GCN1: variants seen among roughly 807,000 people sequenced by gnomAD.
GCN1 encodes GCN1 activator of EIF2AK4.
A neutral mutation model predicts 288.4 loss-of-function variants in GCN1; 90 were observed. The observed-to-expected ratio is 0.31, with a 90% CI of 0.26 to 0.37. The LOEUF (loss-of-function observed/expected upper bound fraction) is 0.37, where lower values mean the gene tolerates loss of function less well. Ranked by LOEUF, GCN1 falls within the 10% of genes least tolerant of loss-of-function variation. The probability of loss-of-function intolerance (pLI) is 1.00; values close to 1 mark genes in which losing one functional copy is unlikely to be tolerated. For missense variants in GCN1, 2,586 were observed against 3,419.9 expected (o/e 0.76, Z 6.08); for synonymous variants, 1,386 against 1,420.2 (o/e 0.98, Z 0.54).
chr12:120,193,485 AG>A (rs754322884), intron 1 of GCN1, among the ~76,000 whole-genome samples: 122 of 152,228 alleles, frequency 8.0e-4, no homozygotes, highest in East Asian at 1.5e-3. Context: ...TTGCATTTTT[AG>A]TAGAGACGGG....
chr12:120,157,137 A>G (rs1003859594), intron 26 of GCN1, 145 bp from the exon 27 acceptor site: 2 of 608,248 alleles, frequency 3.3e-6, no homozygotes, highest in Non-Finnish European at 5.9e-6. Flanking sequence ...TTAAGTTTAC[A>G]ACTAGGTCCA....
At position 120,161,586 on chromosome 12, in the gene GCN1, G is replaced by C; in HGVS notation, c.2343-3C>G. ...TTTTTATGCTGTCCTGCTGGGCACT[G>C]AAACACCAGAGTGGGTCATCAGCCA... On this transcript the variant is annotated splice_polypyrimidine_tract_variant and splice_region_variant and intron_variant, in intron 21 of 57. Transcript: ENST00000300648. 6.2e-7 allele frequency: 1 copy of C among 1,607,370 alleles called. No homozygotes were observed. Among genetic ancestry groups the C allele is most frequent in the Non-Finnish European group, 8.5e-7 (1 of 1,173,972 alleles).
chr12:120,187,456 T>A (rs552006732), intron 2 of GCN1, among the ~76,000 whole-genome samples: 1 of 152,106 alleles, frequency 6.6e-6, no homozygotes, highest in Admixed American at 6.6e-5. Context: ...CCTCAGGTGA[T>A]CCATCCTCCT....
chr12:120,166,939 A>C (rs1268231651), intron 16 of GCN1, among the ~76,000 whole-genome samples: 2 of 151,464 alleles, frequency 1.3e-5, no homozygotes, highest in African/African-American at 4.9e-5. Flanking sequence ...ACCTGAGACC[A>C]GGGAGGTCGA....
intron 36 of GCN1, among the ~76,000 whole-genome samples, chr12:120,148,988 T>A (rs1053279058): frequency 6.6e-6 from 1 of 150,494 alleles, no homozygotes; most frequent in Admixed American, 6.6e-5. Flanking sequence ...CTTGGCCTAT[T>A]TTTTTTTTTT....
At chr12:120,141,089 C>G in intron 44 of GCN1, 66 bp from the exon 45 acceptor site, 2 of 1,394,862 alleles carry the variant, frequency 1.4e-6, no homozygotes, top group Admixed American at 2.0e-5. Context: ...GAGGAGGACT[C>G]CAGAATGAGG....
intron 13 of GCN1, 110 bp downstream of exon 13, chr12:120,173,961 T>C (rs745648396): frequency 1.2e-5 from 12 of 1,015,530 alleles, no homozygotes; most frequent in Non-Finnish European, 1.8e-5. Context: ...AGCCTTGCTC[T>C]GAGGGAGGTG....
chr12:120,129,287 C>G lies in GCN1; in HGVS notation c.7879G>C (p.Glu2627Gln), dbSNP rs1172395674. Reference protein sequence around the residue: ...VNLLKMRQGEEVFQSLSKILD... With the variant: ...VNLLKMRQGEQVFQSLSKILD... ...CCCCAGGCTCCCACCTGAAACACCT[C>G]TTCACCCTGCCGCATCTTGAGGAGG... Residue 2627 changes from glutamate (E) to glutamine (Q), a missense_variant, in exon 57 of 58, where the codon GAG becomes CAG. Physicochemically the swap from Glu to Gln is conservative, Grantham distance 29 (BLOSUM62 2). This residue lies in a region of GCN1 where 355 missense variants were observed against 431.1 expected (regional missense o/e 0.82). Transcript: ENST00000300648. 1 of 1,613,752 alleles carries G rather than the reference C, an allele frequency of 6.2e-7. No individual in the cohort carries two copies. The highest frequency in any genetic ancestry group is 1.1e-5 in the South Asian group (1 of 91,068).
intron 23 of GCN1, 27 bp downstream of exon 23, chr12:120,160,115 G>C (rs772781831): frequency 1.9e-6 from 3 of 1,594,740 alleles, no homozygotes; most frequent in African/African-American, 1.3e-5. Flanking sequence ...CTTCCGGCTT[G>C]AGCATGTGGC....
Position 120,186,993 on chromosome 12 carries a change from G to A in GCN1, c.122-2106C>T, listed in dbSNP as rs537376714. The stretch of plus-strand genomic sequence containing the variant: ...CTAACTAGAGGGCTCTGCTGGGAAA[G>A]TGACCAGAAAAACCGTCGAGGATGC... On this transcript the variant is annotated intron_variant, in intron 2 of 57. Transcript: ENST00000300648. Among the ~76,000 whole-genome samples, 8 of 152,292 alleles carry A rather than the reference G, an allele frequency of 5.3e-5. No individual in the cohort carries two copies. In the South Asian group the frequency reaches 1.7e-3, roughly 32 times the overall value.
At chr12:120,132,986 A>G (rs541147365) in intron 53 of GCN1, among the ~76,000 whole-genome samples, 1 of 152,330 alleles carries the variant, frequency 6.6e-6, no homozygotes, top group African/African-American at 2.4e-5. Flanking sequence ...TAAAATGCAA[A>G]TATGTTTCAA....
chr12:120,144,446 A>G lies in GCN1; in HGVS notation c.5355T>C (p.Ala1785=), dbSNP rs1168740583. The G allele has an allele frequency of 6.2e-7, 1 of 1,612,262 alleles. No homozygotes were observed. The highest frequency in any genetic ancestry group is 2.2e-5 in the East Asian group (1 of 44,846). Residue 1785 remains alanine, a splice_region_variant and synonymous_variant, in exon 42 of 58, where the codon GCT becomes GCC. Transcript: ENST00000300648. This position sits in a 1 kb window ranked among gnomAD's most constrained non-coding sequence, Gnocchi z 4.7. ...GCACAAACTCATTCTCATCAGCAAG[A>G]GCCTGGGCACACAGAGGGTGGGTCA... The part of the protein sequence containing the change: ...VGPIIPCILK[A]LADENEFVRD...
At chr12:120,177,922 A>G in intron 7 of GCN1, 170 bp from the exon 8 acceptor site, 1 of 622,590 alleles carries the variant, frequency 1.6e-6, no homozygotes, top group Non-Finnish European at 2.9e-6. Flanking sequence ...AAACCCTTCC[A>G]CAGCTTTCCA....
chr12:120,129,223 G>A, intron 57 of GCN1, 53 bp downstream of exon 57: 2 of 1,268,844 alleles, frequency 1.6e-6, no homozygotes, highest in Non-Finnish European at 2.3e-6. Flanking sequence ...CTGAAGAAGA[G>A]CTGAAAGACA....
chr12:120,164,984 T>C (rs1250938357), intron 16 of GCN1, among the ~76,000 whole-genome samples: 6 of 140,228 alleles, frequency 4.3e-5, no homozygotes, highest in African/African-American at 1.6e-4. Flanking sequence ...TATATACATA[T>C]ACATATATAC....
Position 120,178,735 on chromosome 12 carries a change from A to G in GCN1, c.550T>C (p.Leu184=). The change falls in exon 7 of 58, where the codon TTG becomes CTG. Residue 184 remains leucine (L), a synonymous_variant. Transcript: ENST00000300648. ...GGCTCTAGGCTGAGAATGGCTGACA[A>G]GTACTGTTCCACCAGCCCGGGGTTC... The part of the protein sequence containing the change: ...KENPGLVEQY[L]SAILSLEPNQ... 6.2e-7 allele frequency: 1 copy of G among 1,614,244 alleles called. No homozygotes were observed. Among genetic ancestry groups the G allele is most frequent in the Non-Finnish European group, 8.5e-7 (1 of 1,180,036 alleles).
intron 5 of GCN1, among the ~76,000 whole-genome samples, chr12:120,179,816 G>C (rs1317740645): frequency 1.3e-5 from 2 of 152,202 alleles, no homozygotes; most frequent in South Asian, 4.1e-4. Context: ...AAAGAATTAA[G>C]GGTCCTGTTT....
intron 15 of GCN1, 137 bp downstream of exon 15, chr12:120,170,031 TC>T (rs978045088): frequency 1.4e-6 from 1 of 728,918 alleles, no homozygotes; most frequent in Non-Finnish European, 2.4e-6. Context: ...ATGAGGTTCA[TC>T]CTGCAGATGA....
At position 120,153,073 on chromosome 12, in the gene GCN1, G is replaced by GAGA. The variant is rs1877619990; in HGVS notation, c.4062+137_4062+139dup. ...GACTATAAACCAGGCTCTCCCCTGC[G>GAGA]AGAGGGGGTGAATCCTTAACAAGAA... On this transcript the variant is annotated intron_variant, in intron 33 of 57. Transcript: ENST00000300648. The surrounding 1 kb of genome is among the most constrained non-coding windows in gnomAD (Gnocchi z 4.4). The GAGA allele has an allele frequency of 2.4e-5, 16 of 663,850 alleles. 1 individual carries two copies. In the South Asian group the frequency reaches 3.1e-4, roughly 13 times the overall value. The allele number at this position is 663,850 out of a possible 1,614,324, so 41.1% of individuals were successfully genotyped here.
Sources: gnomAD v4.1 joint callset for allele counts (sites outside exome capture counted in the v4.1 genomes callset) on GRCh38, gnomAD v4.1.1 for gene constraint, gnomAD v4.1.1 regional missense constraint, Gnocchi (gnomAD v3.1) non-coding constraint, MANE v1.5 for transcripts, NCBI Gene and HGNC (gene_info 2026-07-23, HGNC 2026-07-21) for gene names.